Variants in TAB3 observed in about 807,000 individuals in gnomAD.
TAB3 encodes the protein TGF-beta activated kinase 1 (MAP3K7) binding protein 3, also known as TGF-beta-activated kinase 1 and MAP3K7-binding protein 3.
Under a neutral mutation model 48.1 loss-of-function variants are expected in TAB3, and 18 were observed. The ratio of observed to expected loss-of-function variants is 0.37; its 90% confidence interval spans 0.26 to 0.55. TAB3 has a LOEUF of 0.55. TAB3 is among the 20% of genes least tolerant of loss of function. TAB3 has a pLI of 0.78. For synonymous variants in TAB3, 185 were observed against 190.2 expected, an observed-to-expected ratio of 0.97 and a Z score of 0.22; for missense variants, 414 against 549.8, an observed-to-expected ratio of 0.75 and a Z score of 2.47.
At position 30,829,273 on chromosome X, in the gene TAB3, A is replaced by C. The variant is rs755201783; in HGVS notation, c.*2154T>G. The C allele has an allele frequency of 1.2e-4, 13 of 112,483 alleles. No individual in the cohort carries two copies. Among genetic ancestry groups the C allele is most frequent in the Non-Finnish European group, 2.1e-4 (11 of 53,263 alleles). 9.3% of individuals were successfully genotyped at this position (112,483 alleles called of 1,213,427 possible). A position where few individuals can be genotyped will look rare whatever the true frequency, so the allele number is the denominator to read the frequency against. On this transcript the variant is annotated 3_prime_UTR_variant, in exon 11 of 11. Transcript: ENST00000288422. ...ATAAAGCATCAGACTGTTTTCAGACATGCTACTTTCATTCTCAACTGACAA... is the reference window on the plus strand; with the variant it reads ...ATAAAGCATCAGACTGTTTTCAGACCTGCTACTTTCATTCTCAACTGACAA...
intron 1 of TAB3, among the ~76,000 whole-genome samples, chrX:30,882,923 A>C (rs745544669): frequency 8.9e-6 from 1 of 111,959 alleles, no homozygotes; most frequent in Admixed American, 9.4e-5. Context: ...TGTAAGTCTA[A>C]AATTATTCCA....
intron 10 of TAB3, 149 bp downstream of exon 10, chrX:30,833,902 G>T: frequency 2.5e-6 from 1 of 403,332 alleles, no homozygotes; most frequent in Non-Finnish European, 4.2e-6. Context: ...TATGTGGCTT[G>T]CATTATATTT....
At chrX:30,835,873 TAA>T (rs1377250273) in intron 9 of TAB3, 3 of 112,574 alleles carry the variant, frequency 2.7e-5, no homozygotes, top group African/African-American at 6.5e-5. Flanking sequence ...ATATCTGTAA[TAA>T]CTCCAAGACA....
At chrX:30,885,236 T>G (rs779637884) in intron 1 of TAB3, among the ~76,000 whole-genome samples, 1 of 112,336 alleles carries the variant, frequency 8.9e-6, no homozygotes, top group African/African-American at 3.2e-5. Context: ...TAAAATCATC[T>G]ATTTGAAACT....
rs750055781 is a variant in TAB3, at chrX:30,827,912, C to T, written c.*3515G>A. 2 of 112,042 alleles carry T rather than the reference C, an allele frequency of 1.8e-5. No individual in the cohort carries two copies. Among genetic ancestry groups the T allele is most frequent in the Non-Finnish European group, 3.8e-5 (2 of 53,098 alleles). 9.2% of individuals were successfully genotyped at this position (112,042 alleles called of 1,213,427 possible). Reference sequence around the variant, plus strand: ...AATAGGCAAATACTGTTAATTCTTTCGAAAAGATACAGTAGTGGTGCAACA... The same window carrying T: ...AATAGGCAAATACTGTTAATTCTTTTGAAAAGATACAGTAGTGGTGCAACA... On this transcript the variant is annotated 3_prime_UTR_variant, in exon 11 of 11. Coordinates refer to ENST00000288422, the MANE Select transcript of TAB3 (RefSeq NM_152787.5).
At chrX:30,850,974 G>A (rs770746439) in intron 7 of TAB3, among the ~76,000 whole-genome samples, 6 of 111,296 alleles carry the variant, frequency 5.4e-5, no homozygotes, top group Non-Finnish European at 9.4e-5. Context: ...GGTACCTAAA[G>A]GTTTCCAAAG....
At chrX:30,862,928 GAA>G (rs1939292658) in intron 4 of TAB3, among the ~76,000 whole-genome samples, 1 of 111,846 alleles carries the variant, frequency 8.9e-6, no homozygotes, top group Non-Finnish European at 1.9e-5. Context: ...GAGAGGGAAG[GAA>G]AAAATAATTC....
At chrX:30,851,753 A>G (rs757910121) in intron 7 of TAB3, among the ~76,000 whole-genome samples, 1 of 111,865 alleles carries the variant, frequency 8.9e-6, no homozygotes, top group South Asian at 3.7e-4. Context: ...CCCTTAGCTT[A>G]GAGAGGGTAG....
chrX:30,879,459 T>G (rs1302872216), intron 1 of TAB3, among the ~76,000 whole-genome samples: 2 of 112,133 alleles, frequency 1.8e-5, no homozygotes, highest in Admixed American at 1.9e-4. Context: ...GCAGTTTATT[T>G]AGCATTAGGA....
intron 8 of TAB3, chrX:30,843,263 A>G: frequency 3.3e-6 from 1 of 298,703 alleles, no homozygotes; most frequent in Non-Finnish European, 5.8e-6. Flanking sequence ...ATGTATGTCT[A>G]CAATGTATTA....
intron 5 of TAB3, among the ~76,000 whole-genome samples, chrX:30,858,719 A>G (rs1368898220): frequency 9.0e-6 from 1 of 111,532 alleles, no homozygotes; most frequent in African/African-American, 3.3e-5. Context: ...GAAGGATTAT[A>G]TAAAACATAA....
chrX:30,882,313 A>G, intron 1 of TAB3, among the ~76,000 whole-genome samples: 1 of 112,377 alleles, frequency 8.9e-6, no homozygotes, highest in Non-Finnish European at 1.9e-5. Flanking sequence ...AAATTCTCCA[A>G]TTCATTTCAA....
intron 1 of TAB3, among the ~76,000 whole-genome samples, chrX:30,879,234 AG>A (rs1454466739): frequency 2.7e-5 from 3 of 112,193 alleles, no homozygotes; most frequent in African/African-American, 9.7e-5. Flanking sequence ...ATGCATTTAA[AG>A]AAAAAATAAA....
intron 9 of TAB3, chrX:30,835,738 C>T (rs1379291661): frequency 8.9e-6 from 1 of 112,345 alleles, no homozygotes; most frequent in African/African-American, 3.2e-5. Context: ...ACTACAAAGT[C>T]CAATCCAAAA....
At chrX:30,874,670 C>T (rs1162720145) in intron 1 of TAB3, among the ~76,000 whole-genome samples, 1 of 111,439 alleles carries the variant, frequency 9.0e-6, no homozygotes, top group Non-Finnish European at 1.9e-5. Flanking sequence ...GATATGAGGG[C>T]GGTTCAGAAG....
intron 1 of TAB3, among the ~76,000 whole-genome samples, chrX:30,878,428 A>T (rs775711914): frequency 9.6e-6 from 1 of 104,487 alleles, no homozygotes; most frequent in Non-Finnish European, 1.9e-5. Context: ...TGAATCTGGG[A>T]GGCAGGGGTT....
intron 4 of TAB3, among the ~76,000 whole-genome samples, chrX:30,861,752 T>C (rs1288470866): frequency 8.9e-6 from 1 of 112,063 alleles, no homozygotes; most frequent in Non-Finnish European, 1.9e-5. Flanking sequence ...GTGAGTCATA[T>C]GTATAATTTT....
rs776493352 is a variant in TAB3 at position 30,866,920 on chromosome X, G to A, written c.-91+195C>T. On this transcript the variant is annotated intron_variant, in intron 4 of 10. Transcript: ENST00000288422. ...TACAGTGAAGAAACCTGACAAACAC[G>A]TTCTCAGCCAGGTGATCAAGGTCAA... Among the ~76,000 whole-genome samples the A allele has an allele frequency of 5.7e-5, 6 of 105,116 alleles. No homozygotes were observed. The South Asian group carries it at 2.2e-3, about 39-fold the overall frequency. The allele number at this position is 105,116 out of a possible 115,157, so 91.3% of individuals were successfully genotyped here.
chrX:30,848,443 A>G (rs749299469), intron 7 of TAB3, among the ~76,000 whole-genome samples: 1 of 111,423 alleles, frequency 9.0e-6, no homozygotes. Flanking sequence ...AATTGCTTGA[A>G]CTGGGGAGGT....
Sources: allele counts gnomAD v4.1 joint callset (sites outside exome capture counted in the v4.1 genomes callset), GRCh38; gene constraint gnomAD v4.1.1; transcripts MANE v1.5; gene names NCBI Gene and HGNC (gene_info 2026-07-23, HGNC 2026-07-21).